Variants in SPATA13 observed in about 807,000 individuals in gnomAD.
The protein encoded by SPATA13 is spermatogenesis associated 13.
A neutral mutation model predicts 104.0 loss-of-function variants in SPATA13; 50 were observed. The ratio of observed to expected loss-of-function variants is 0.48; its 90% CI spans 0.38 to 0.61. SPATA13 has a LOEUF of 0.61. Among genes scored for constraint, SPATA13 ranks in the 20% least tolerant of loss-of-function variants. The pLI, the probability that SPATA13 is intolerant of heterozygous loss-of-function variation, is 0.00. For missense variants in SPATA13, 1,524 were observed against 1,690.6 expected (o/e 0.90, Z 1.73); for synonymous variants, 606 against 667.5 (o/e 0.91, Z 1.42).
intron 1 of SPATA13, among the ~76,000 whole-genome samples, chr13:24,209,527 C>T (rs1348097061): frequency 2.0e-5 from 3 of 152,198 alleles, no homozygotes; most frequent in African/African-American, 7.2e-5. Flanking sequence ...GTATTTGTCT[C>T]TCTGTGCCTG....
intron 2 of SPATA13, chr13:24,017,540 A>G (rs4770549): frequency 0.33 from 67,533 of 206,092 alleles, 11,424 homozygotes; most frequent in African/African-American, 0.37. Flanking sequence ...ACACATATGT[A>G]TATATACATT....
intron 8 of SPATA13, among the ~76,000 whole-genome samples, chr13:24,289,820 C>G (rs995252053): frequency 1.3e-5 from 2 of 152,194 alleles, no homozygotes; most frequent in African/African-American, 4.8e-5. Flanking sequence ...TAGTCCCAGC[C>G]CAAATAGCTA....
chr13:24,260,938 G>A (rs760621608), intron 4 of SPATA13, among the ~76,000 whole-genome samples: 32 of 152,220 alleles, frequency 2.1e-4, no homozygotes, highest in Non-Finnish European at 4.1e-4. Context: ...CGTGCATGGG[G>A]CACTTTTTTT....
At chr13:24,199,072 A>C (rs529634101) in intron 1 of SPATA13, among the ~76,000 whole-genome samples, 4 of 151,702 alleles carry the variant, frequency 2.6e-5, no homozygotes, top group South Asian at 4.1e-4. Flanking sequence ...TATTTTTTAC[A>C]GAGACAGGAT....
At chr13:24,063,835 CCTCA>C (rs1878859405) in intron 3 of SPATA13, among the ~76,000 whole-genome samples, 1 of 152,196 alleles carries the variant, frequency 6.6e-6, no homozygotes, top group Non-Finnish European at 1.5e-5. Context: ...TCGTTTCCTG[CCTCA>C]CTCACAGGGA....
intron 3 of SPATA13, among the ~76,000 whole-genome samples, chr13:24,129,424 G>A (rs945300678): frequency 6.6e-6 from 1 of 152,230 alleles, no homozygotes; most frequent in Non-Finnish European, 1.5e-5. Context: ...AATCGTTGAG[G>A]ATGTGAGAAA....
intron 2 of SPATA13, among the ~76,000 whole-genome samples, chr13:24,245,047 A>G (rs1237117714): frequency 2.6e-5 from 4 of 152,184 alleles, no homozygotes; most frequent in African/African-American, 7.2e-5. Flanking sequence ...GGTCTCTATG[A>G]TGGTGTTTTA....
chr13:23,988,835 T>TC (rs1875275911), intron 2 of SPATA13, among the ~76,000 whole-genome samples: 2 of 152,180 alleles, frequency 1.3e-5, no homozygotes, highest in Admixed American at 6.5e-5. Context: ...TGGGTTTTTC[T>TC]CCCCCCTCTT....
intron 3 of SPATA13, among the ~76,000 whole-genome samples, chr13:24,031,319 T>C (rs1249986996): frequency 6.6e-6 from 1 of 152,200 alleles, no homozygotes; most frequent in Admixed American, 6.5e-5. Context: ...CTCCCTTCCA[T>C]TGGTTTCTTT....
intron 3 of SPATA13, among the ~76,000 whole-genome samples, chr13:24,082,586 C>T (rs1053574647): frequency 3.0e-4 from 46 of 150,998 alleles, no homozygotes; most frequent in African/African-American, 8.5e-4. Context: ...TTTGGGAGGC[C>T]GAGGCGGGTG....
At chr13:24,145,499 A>C (rs952688169) in intron 3 of SPATA13, among the ~76,000 whole-genome samples, 1 of 152,202 alleles carries the variant, frequency 6.6e-6, no homozygotes, top group Non-Finnish European at 1.5e-5. Flanking sequence ...ACATAAACCG[A>C]GTGAGCTGGT....
At position 24,022,767 on chromosome 13, in the gene SPATA13, C is replaced by T. The variant is rs115124631; in HGVS notation, c.-112+5066C>T. Among the ~76,000 whole-genome samples, 1,429 of 152,224 alleles carry T rather than the reference C, an allele frequency of 9.4e-3. 26 individuals carry two copies. The highest frequency in any genetic ancestry group is 0.033 in the African/African-American group (1,353 of 41,522). ...ACCATTGTGGGCCATGTTGTTTTCACTGATGACTACTTCTGCAGGAACATA... is the reference window on the plus strand; with the variant it reads ...ACCATTGTGGGCCATGTTGTTTTCATTGATGACTACTTCTGCAGGAACATA... On this transcript the variant is annotated intron_variant, in intron 3 of 14. Coordinates refer to the SPATA13 transcript ENST00000424834.
At chr13:24,094,528 A>G (rs751694964) in intron 3 of SPATA13, among the ~76,000 whole-genome samples, 8 of 152,202 alleles carry the variant, frequency 5.3e-5, no homozygotes, top group Non-Finnish European at 1.0e-4. Flanking sequence ...GGGTGCACAG[A>G]TATTTGCTCT....
At chr13:24,152,306 G>A (rs1255232800) in intron 3 of SPATA13, among the ~76,000 whole-genome samples, 1 of 152,188 alleles carries the variant, frequency 6.6e-6, no homozygotes, top group Non-Finnish European at 1.5e-5. Context: ...CCATTCATGA[G>A]GGTGGACACA....
At chr13:24,142,420 T>C (rs1881790461) in intron 3 of SPATA13, among the ~76,000 whole-genome samples, 1 of 152,188 alleles carries the variant, frequency 6.6e-6, no homozygotes, top group African/African-American at 2.4e-5. Flanking sequence ...TTGTCTTTCA[T>C]GACCTTGACA....
intron 1 of SPATA13, among the ~76,000 whole-genome samples, chr13:24,219,146 A>G (rs1871432713): frequency 6.6e-6 from 1 of 152,128 alleles, no homozygotes; most frequent in South Asian, 2.1e-4. Flanking sequence ...CCCACAATTT[A>G]TAAGACTTGC....
chr13:24,206,008 A>G (rs1870678951), intron 1 of SPATA13, among the ~76,000 whole-genome samples: 1 of 152,256 alleles, frequency 6.6e-6, no homozygotes, highest in African/African-American at 2.4e-5. Context: ...CATTCAGGGC[A>G]TAGGAATGAG....
At chr13:24,194,654 C>T (rs1435502007) in intron 1 of SPATA13, among the ~76,000 whole-genome samples, 8 of 152,170 alleles carry the variant, frequency 5.3e-5, no homozygotes, top group East Asian at 1.9e-4. Flanking sequence ...ACTGGTCTGC[C>T]GCTTTCCACT....
chr13:24,204,816 T>C (rs1870614487), intron 1 of SPATA13, among the ~76,000 whole-genome samples: 1 of 152,246 alleles, frequency 6.6e-6, no homozygotes, highest in African/African-American at 2.4e-5. Flanking sequence ...TTCTATTATA[T>C]GTATATACCA....
Sources: gnomAD v4.1 joint callset for allele counts (sites outside exome capture counted in the v4.1 genomes callset) on GRCh38, gnomAD v4.1.1 for gene constraint, MANE v1.5 for transcripts, NCBI Gene and HGNC (gene_info 2026-07-23, HGNC 2026-07-21) for gene names.